Variants in TDRD7 observed in about 807,000 individuals in gnomAD.
The protein encoded by TDRD7 is tudor domain-containing protein 7.
Under a neutral mutation model 109.8 loss-of-function variants are expected in TDRD7, and 47 were observed. That is an observed-to-expected ratio of 0.43 (90% CI 0.34 to 0.55). The LOEUF is 0.55. TDRD7 is among the 20% of genes least tolerant of loss of function. The pLI is 0.03. For synonymous variants in TDRD7, 424 were observed against 457.3 expected, an observed-to-expected ratio of 0.93 and a Z score of 0.93; for missense variants, 1,164 against 1,319.2, an observed-to-expected ratio of 0.88 and a Z score of 1.82.
chr9:97,414,661 C>G (rs954118725), intron 1 of TDRD7, among the ~76,000 whole-genome samples: 1 of 151,942 alleles, frequency 6.6e-6, no homozygotes, highest in Non-Finnish European at 1.5e-5. Flanking sequence ...AGTTAAAATG[C>G]ACGAATAATT....
intron 1 of TDRD7, among the ~76,000 whole-genome samples, chr9:97,417,829 TA>T (rs1827835541): frequency 6.6e-6 from 1 of 152,156 alleles, no homozygotes; most frequent in East Asian, 1.9e-4. Context: ...ATATGTGCAT[TA>T]AAAAGGGGGT....
At position 97,478,771 on chromosome 9, in the gene TDRD7, T is replaced by A. The variant is rs142147612; in HGVS notation, c.2301+198T>A. 3 of 686,640 alleles carry A rather than the reference T, an allele frequency of 4.4e-6. No homozygotes were observed. The East Asian group carries it at 8.8e-5, about 20-fold the overall frequency. The allele number at this position is 686,640 out of a possible 1,614,324, so 42.5% of individuals were successfully genotyped here. A position where few individuals can be genotyped will look rare whatever the true frequency, so the allele number is the denominator to read the frequency against. ...AAGACCAGTCATATTTACATACTGT[T>A]GTTTGAGAAATGTTTGTTTTCAAGA... On this transcript the variant is annotated intron_variant, in intron 13 of 16. Coordinates refer to ENST00000355295, the MANE Select transcript of TDRD7 (RefSeq NM_014290.3).
At chr9:97,472,633 C>T (rs1283335397) in intron 10 of TDRD7, 138 bp downstream of exon 10, 1 of 778,828 alleles carries the variant, frequency 1.3e-6, no homozygotes, top group South Asian at 1.5e-5. Flanking sequence ...GGGAGTGGGG[C>T]TAGAAGGGAA....
chr9:97,459,028 T>C (rs1249881791), intron 6 of TDRD7, among the ~76,000 whole-genome samples: 2 of 152,232 alleles, frequency 1.3e-5, no homozygotes, highest in African/African-American at 4.8e-5. Context: ...AGGGGTTAAA[T>C]TGCAGCTAAG....
chr9:97,422,561 T>G (rs1332728541), intron 1 of TDRD7, among the ~76,000 whole-genome samples: 1 of 152,240 alleles, frequency 6.6e-6, no homozygotes, highest in Non-Finnish European at 1.5e-5. Flanking sequence ...ACCTCCACTG[T>G]GATAATGAAT....
intron 2 of TDRD7, 78 bp from the exon 3 acceptor site, chr9:97,430,855 T>C: frequency 6.3e-7 from 1 of 1,579,674 alleles, no homozygotes. Flanking sequence ...CTCACTAAGA[T>C]CCACTTTTAA....
At chr9:97,494,082 G>C (rs1457882172) in intron 16 of TDRD7, among the ~76,000 whole-genome samples, 1 of 151,998 alleles carries the variant, frequency 6.6e-6, no homozygotes, top group Non-Finnish European at 1.5e-5. Context: ...TTAAAGTAAA[G>C]ACAGGCATAG....
chr9:97,494,031 A>G (rs1368447037), intron 16 of TDRD7, among the ~76,000 whole-genome samples: 1 of 151,980 alleles, frequency 6.6e-6, no homozygotes, highest in Admixed American at 6.6e-5. Context: ...CTGAGGTGAC[A>G]TACATCCTCC....
Position 97,439,320 on chromosome 9 carries a change from T to TA in TDRD7, c.637+3dup. On this transcript the variant is annotated splice_region_variant and intron_variant, in intron 5 of 16. Coordinates refer to ENST00000355295, the MANE Select transcript of TDRD7 (RefSeq NM_014290.3). ...GAACCTCTACTAAGGAAATGAGTGGTATGTTTTCCAAACATTTTTGAGATA... is the reference window on the plus strand; with the variant it reads ...GAACCTCTACTAAGGAAATGAGTGGTAATGTTTTCCAAACATTTTTGAGATA... 5 of 1,602,730 alleles carry TA rather than the reference T, an allele frequency of 3.1e-6. No individual in the cohort carries two copies. Among genetic ancestry groups the TA allele is most frequent in the Non-Finnish European group, 4.2e-6 (5 of 1,178,470 alleles).
chr9:97,421,914 A>G (rs1827907320), intron 1 of TDRD7, among the ~76,000 whole-genome samples: 4 of 151,972 alleles, frequency 2.6e-5, no homozygotes, highest in Admixed American at 2.0e-4. Flanking sequence ...GGCCACAAAG[A>G]TTTACTCCTG....
intron 14 of TDRD7, among the ~76,000 whole-genome samples, 153 bp from the exon 15 acceptor site, chr9:97,482,696 C>A (rs1367247789): frequency 6.6e-6 from 1 of 152,086 alleles, no homozygotes; most frequent in African/African-American, 2.4e-5. Flanking sequence ...CATTCATTGC[C>A]AAGCTGTGAT....
At chr9:97,451,901 A>G in intron 6 of TDRD7, among the ~76,000 whole-genome samples, 1 of 152,348 alleles carries the variant, frequency 6.6e-6, no homozygotes, top group Non-Finnish European at 1.5e-5. Context: ...TTGGTCACAC[A>G]AGTCTTCTGT....
At chr9:97,490,869 A>G (rs1829295979) in intron 16 of TDRD7, among the ~76,000 whole-genome samples, 1 of 127,694 alleles carries the variant, frequency 7.8e-6, no homozygotes, top group Non-Finnish European at 1.7e-5. Flanking sequence ...TTTCTTTTAT[A>G]GTGTTTCTGA....
At chr9:97,429,118 T>C (rs1250714812) in intron 2 of TDRD7, among the ~76,000 whole-genome samples, 1 of 152,226 alleles carries the variant, frequency 6.6e-6, no homozygotes, top group African/African-American at 2.4e-5. Context: ...TGATCCTTCA[T>C]CACTTTTCAT....
chr9:97,415,015 C>T (rs1274690898), intron 1 of TDRD7, among the ~76,000 whole-genome samples: 2 of 152,156 alleles, frequency 1.3e-5, no homozygotes, highest in African/African-American at 4.8e-5. Context: ...AAAATAGTGT[C>T]TTCAAGGAGA....
chr9:97,421,614 G>A (rs1827900423), intron 1 of TDRD7, among the ~76,000 whole-genome samples: 1 of 151,884 alleles, frequency 6.6e-6, no homozygotes, highest in African/African-American at 2.4e-5. Flanking sequence ...TTTTGAGACA[G>A]GTTCTCACTC....
intron 5 of TDRD7, 52 bp from the exon 6 acceptor site, chr9:97,441,606 A>G: frequency 6.9e-7 from 1 of 1,449,522 alleles, no homozygotes; most frequent in Non-Finnish European, 9.5e-7. Flanking sequence ...TAATGGGGAT[A>G]ATCTAAAATG....
chr9:97,476,584 CA>C (rs1183336655), intron 12 of TDRD7, among the ~76,000 whole-genome samples: 1 of 142,548 alleles, frequency 7.0e-6, no homozygotes, highest in African/African-American at 2.6e-5. Context: ...AAAAACTAAA[CA>C]AAAAAAAATT....
intron 1 of TDRD7, among the ~76,000 whole-genome samples, chr9:97,420,288 C>G (rs1437998679): frequency 1.4e-5 from 2 of 145,160 alleles, no homozygotes; most frequent in African/African-American, 5.2e-5. Context: ...TTGGTAGTTG[C>G]CAGGAGCCAG....
Sources: allele counts gnomAD v4.1 joint callset (sites outside exome capture counted in the v4.1 genomes callset), GRCh38; gene constraint gnomAD v4.1.1; transcripts MANE v1.5; gene names NCBI Gene and HGNC (gene_info 2026-07-23, HGNC 2026-07-21).